THTPA: variants seen among roughly 807,000 people sequenced by gnomAD.
THTPA encodes thiamine-triphosphatase.
Under a neutral mutation model 16.5 loss-of-function variants are expected in THTPA, and 16 were observed. The ratio of observed to expected loss-of-function variants is 0.97; its 90% CI spans 0.66 to 1.47. The LOEUF is 1.47. THTPA is among the 40% of genes most tolerant of loss of function. THTPA has a pLI of 0.00. For synonymous variants in THTPA, 110 were observed against 115.5 expected, an observed-to-expected ratio of 0.95 and a Z score of 0.30; for missense variants, 281 against 280.9, an observed-to-expected ratio of 1.00 and a Z score of 0.00.
intron 1 of THTPA, among the ~76,000 whole-genome samples, chr14:23,558,364 C>T (rs965896956): frequency 1.3e-5 from 2 of 152,224 alleles, no homozygotes; most frequent in Admixed American, 6.5e-5. Flanking sequence ...ATCTTGATTG[C>T]GGAACAGGGT....
rs932888075 is a variant in THTPA, at chr14:23,559,787, A to G, written c.*947A>G. 6.2e-6 allele frequency: 10 copies of G among 1,614,022 alleles called. No homozygotes were observed. Among genetic ancestry groups the G allele is most frequent in the South Asian group, 1.1e-5 (1 of 91,080 alleles). On this transcript the variant is annotated 3_prime_UTR_variant, in exon 2 of 2. Transcript: ENST00000288014. ...TCCACAGGCAAGTTGTTCACCTCAA[A>G]GATCTCCTGCACCGACTGGTGAAAG...
At chr14:23,548,875 C>T in the THTPA span, among the ~76,000 whole-genome samples, 141,091 of 152,246 alleles carry the variant, frequency 0.93, 66,341 homozygotes, top group East Asian at 1. Flanking sequence ...TCGCTCTCTT[C>T]GCATCAGTCA....
the THTPA span, chr14:23,532,666 G>A: frequency 1.5e-5 from 23 of 1,508,784 alleles, no homozygotes; most frequent in Non-Finnish European, 1.9e-5. Context: ...TGCAGCGCAG[G>A]TGTAGTGGGG....
At chr14:23,512,321 G>A in the THTPA span, among the ~76,000 whole-genome samples, 4 of 151,822 alleles carry the variant, frequency 2.6e-5, no homozygotes, top group African/African-American at 7.3e-5. Flanking sequence ...GCACGCACAC[G>A]TATACACACA....
chr14:23,519,494 AG>A, the THTPA span, among the ~76,000 whole-genome samples: 36 of 152,328 alleles, frequency 2.4e-4, no homozygotes, highest in African/African-American at 8.2e-4. Flanking sequence ...CGGGGAAAGA[AG>A]GTGGCAGTGA....
chr14:23,542,047 C>G, the THTPA span: 4 of 152,190 alleles, frequency 2.6e-5, no homozygotes, highest in Admixed American at 1.3e-4. Context: ...AAAGAAAGAT[C>G]GCTAAGGCAG....
the THTPA span, chr14:23,522,417 G>A: frequency 1.3e-6 from 2 of 1,536,358 alleles, no homozygotes; most frequent in East Asian, 2.4e-5. Context: ...CCTGGAGCAG[G>A]CAGTTCAGGA....
At chr14:23,533,520 C>T in the THTPA span, 6 of 1,536,008 alleles carry the variant, frequency 3.9e-6, no homozygotes, top group Admixed American at 7.8e-5. The surrounding 1 kb of genome is among the most constrained non-coding windows in gnomAD (Gnocchi z 4.8). Flanking sequence ...GCGGCAGCCC[C>T]TGGTGCAGCA....
the THTPA span, among the ~76,000 whole-genome samples, chr14:23,516,387 C>T: frequency 8.5e-5 from 13 of 152,132 alleles, no homozygotes; most frequent in South Asian, 8.3e-4. Context: ...TGTGTGTATG[C>T]GTTTTGGGTG....
the THTPA span, among the ~76,000 whole-genome samples, chr14:23,537,752 G>T: frequency 6.6e-6 from 1 of 152,182 alleles, no homozygotes; most frequent in Non-Finnish European, 1.5e-5. Context: ...AGGGAGAAAG[G>T]TATTCCTCCT....
chr14:23,552,245 G>A (rs1882024432), upstream of THTPA, among the ~76,000 whole-genome samples: 2 of 151,292 alleles, frequency 1.3e-5, no homozygotes, highest in African/African-American at 4.9e-5. Context: ...GGAGGTTCGG[G>A]CTCCTCCTCA....
the THTPA span, among the ~76,000 whole-genome samples, chr14:23,546,091 C>G: frequency 6.6e-6 from 1 of 152,192 alleles, no homozygotes; most frequent in Admixed American, 6.5e-5. This position sits in a 1 kb window ranked among gnomAD's most constrained non-coding sequence, Gnocchi z 4.7. Flanking sequence ...TAAATTCCTG[C>G]CTACACCCAT....
chr14:23,522,811 T>C, the THTPA span: 25 of 1,535,976 alleles, frequency 1.6e-5, no homozygotes, highest in East Asian at 6.1e-4. Context: ...TGGTGCCTGC[T>C]GTGGAGGTGT....
At chr14:23,533,655 G>A in the THTPA span, 16 of 1,537,100 alleles carry the variant, frequency 1.0e-5, no homozygotes, top group East Asian at 2.4e-5. The surrounding 1 kb of genome is among the most constrained non-coding windows in gnomAD (Gnocchi z 4.8). Flanking sequence ...TGTCTCCCGC[G>A]GAGGGTGGGA....
the THTPA span, among the ~76,000 whole-genome samples, chr14:23,515,503 A>G: frequency 6.6e-6 from 1 of 152,220 alleles, no homozygotes. Context: ...AGGATAAGCA[A>G]TGATCCCTGG....
At chr14:23,530,553 G>A in the THTPA span, 1 of 462,914 alleles carries the variant, frequency 2.2e-6, no homozygotes, top group Non-Finnish European at 4.1e-6. Context: ...CACTGAAGAA[G>A]GAAGCCTTGG....
At chr14:23,522,952 GA>G in the THTPA span, 5 of 1,437,422 alleles carry the variant, frequency 3.5e-6, no homozygotes, top group Non-Finnish European at 4.5e-6. Context: ...CTAGAAAGGT[GA>G]AAGGAAGGAT....
chr14:23,541,230 G>A, the THTPA span, among the ~76,000 whole-genome samples: 1 of 151,120 alleles, frequency 6.6e-6, no homozygotes, highest in Non-Finnish European at 1.5e-5. Context: ...TCTTGACCAA[G>A]ACTCATCCTC....
the THTPA span, among the ~76,000 whole-genome samples, chr14:23,515,918 A>G: frequency 3.3e-5 from 5 of 152,186 alleles, no homozygotes; most frequent in African/African-American, 1.2e-4. Context: ...AAGAACAGCC[A>G]ACGTGAGCAG....
Sources: allele counts gnomAD v4.1 joint callset (sites outside exome capture counted in the v4.1 genomes callset), GRCh38; gene constraint gnomAD v4.1.1; non-coding constraint Gnocchi (gnomAD v3.1); transcripts MANE v1.5; gene names NCBI Gene and HGNC (gene_info 2026-07-23, HGNC 2026-07-21).